The following OGG1 variants were observed in gnomAD, a reference collection of about 807,000 sequenced individuals.
The protein encoded by OGG1 is 8-oxoguanine DNA glycosylase.
OGG1 carries 35 observed loss-of-function variants against 42.3 expected under a neutral mutation model. The observed-to-expected ratio is 0.83, with a 90% CI of 0.63 to 1.10. The LOEUF is 1.10. OGG1 is among the 50% of genes least tolerant of loss of function. The pLI, the probability that OGG1 is intolerant of heterozygous loss-of-function variation, is 0.00. For synonymous variants in OGG1, 189 were observed against 179.0 expected (o/e 1.06, Z -0.44); for missense variants, 484 against 446.7 (o/e 1.08, Z -0.75).
exon 4 of OGG1, chr3:9,788,010 A>G: frequency 3.3e-6 from 1 of 302,020 alleles, no homozygotes; most frequent in Non-Finnish European, 6.5e-6. Context: ...GAAGAGGGAT[A>G]TGGCCGAGGA....
At chr3:9,759,826 C>T (rs756468973), downstream of OGG1, 5 of 1,612,310 alleles carry the variant, frequency 3.1e-6, no homozygotes, top group South Asian at 5.5e-5. Flanking sequence ...ATACCCACTC[C>T]CTCAGGTCTG....
In OGG1 at chr3:9,751,843, C is replaced by G; in HGVS notation, c.459C>G (p.Ala153=). The stretch of plus-strand genomic sequence containing the variant: ...TCTGTTCCTCCAACAACAACATCGC[C>G]CGCATCACTGGCATGGTGGAGCGGC... The part of the protein sequence containing the change: ...SFICSSNNNI[A]RITGMVERLC... Residue 153 remains alanine (A), a synonymous_variant, in exon 3 of 7, where the codon GCC becomes GCG. Transcript: ENST00000344629. 2 of 1,614,202 alleles carry G rather than the reference C, an allele frequency of 1.2e-6. No individual in the cohort carries two copies. The highest frequency in any genetic ancestry group is 1.7e-6 in the Non-Finnish European group (2 of 1,180,040).
At chr3:9,759,465 C>G (rs767095223), downstream of OGG1, 6 of 1,614,090 alleles carry the variant, frequency 3.7e-6, no homozygotes, top group Middle Eastern at 1.6e-4. Flanking sequence ...AGGCTGGGAC[C>G]AGAACTAGGG....
At chr3:9,765,209 A>G (rs2078096891) in intron 7 of OGG1, among the ~76,000 whole-genome samples, 1 of 151,424 alleles carries the variant, frequency 6.6e-6, no homozygotes, top group Admixed American at 6.6e-5. Context: ...CCGGGGCAAC[A>G]GAGTGAGACT....
downstream of OGG1, chr3:9,767,832 G>A (rs1169857913): frequency 1.9e-6 from 3 of 1,572,172 alleles, no homozygotes; most frequent in East Asian, 4.5e-5. Context: ...CCCTCTGTCT[G>A]GGAATTTACT....
chr3:9,785,943 T>G (rs1359914158), intron 3 of OGG1, among the ~76,000 whole-genome samples: 1 of 97,732 alleles, frequency 1.0e-5, no homozygotes, highest in Non-Finnish European at 2.2e-5. Context: ...TTTTGTTTTG[T>G]TTTTTTTTTT....
chr3:9,760,474 GCCAAGCAGAAGGAAGTAC>G (rs539803882), downstream of OGG1: 82 of 578,486 alleles, frequency 1.4e-4, 1 homozygote, highest in South Asian at 4.0e-4. Context: ...CACTCTGGGA[GCCAAGCAGAAGGAAGTAC>G]CCAAGCAGAA....
At chr3:9,752,279 A>G (rs879314896) in intron 3 of OGG1, among the ~76,000 whole-genome samples, 8 of 152,308 alleles carry the variant, frequency 5.3e-5, no homozygotes, top group Admixed American at 4.6e-4. Context: ...ACTTGGGCAC[A>G]TTATTTAGCA....
exon 8 of OGG1, chr3:9,766,376 C>G: frequency 1.6e-6 from 1 of 613,022 alleles, no homozygotes; most frequent in Non-Finnish European, 3.0e-6. Context: ...TCTGCTAATT[C>G]GAGTCATGGC....
intron 2 of OGG1, chr3:9,780,628 CCCA>C: frequency 7.0e-7 from 1 of 1,432,538 alleles, no homozygotes; most frequent in African/African-American, 1.4e-5. Context: ...ACCGAGCCTA[CCCA>C]CCAGCCCAGG....
intron 7 of OGG1, chr3:9,763,078 G>T: frequency 1.2e-6 from 2 of 1,614,122 alleles, no homozygotes; most frequent in African/African-American, 2.7e-5. Context: ...GGGCAGTCTG[G>T]CAAAGAGGGT....
chr3:9,787,754 GAAGTGA>G, exon 4 of OGG1: 1 of 1,258,988 alleles, frequency 7.9e-7, no homozygotes, highest in Non-Finnish European at 1.0e-6. Flanking sequence ...TCAGATAAGT[GAAGTGA>G]AAGAGAGAGA....
downstream of OGG1, chr3:9,767,851 C>A: frequency 6.6e-7 from 1 of 1,518,312 alleles, no homozygotes; most frequent in South Asian, 1.2e-5. Context: ...CTGCAGGCCC[C>A]ATTCAGTCAT....
intron 3 of OGG1, chr3:9,781,656 C>A (rs1390417603): frequency 6.9e-6 from 3 of 435,918 alleles, no homozygotes; most frequent in Non-Finnish European, 1.4e-5. Flanking sequence ...TACATTTCAT[C>A]GATGGTGGAG....
At chr3:9,786,892 C>G in intron 3 of OGG1, 2 of 966,882 alleles carry the variant, frequency 2.1e-6, no homozygotes, top group Non-Finnish European at 3.2e-6. Flanking sequence ...TACTTTTGCA[C>G]CAACCTATTT....
At chr3:9,761,692 G>A, downstream of OGG1, 1 of 1,614,204 alleles carries the variant, frequency 6.2e-7, no homozygotes, top group Non-Finnish European at 8.5e-7. Flanking sequence ...CCATCTTGGA[G>A]AGGCCAAAGT....
chr3:9,767,369 C>G (rs2078183144), downstream of OGG1, among the ~76,000 whole-genome samples: 1 of 152,222 alleles, frequency 6.6e-6, no homozygotes, highest in South Asian at 2.1e-4. Flanking sequence ...CCATCTCCAG[C>G]CTCAGTTCCC....
At chr3:9,785,208 C>G (rs575339304) in intron 3 of OGG1, 1 of 792,024 alleles carries the variant, frequency 1.3e-6, no homozygotes, top group South Asian at 1.8e-5. Context: ...TTAGGCTTCA[C>G]CTAACTGCCC....
exon 8 of OGG1, chr3:9,765,930 C>T (rs896950823): frequency 1.9e-6 from 3 of 1,614,038 alleles, no homozygotes; most frequent in South Asian, 1.1e-5. Context: ...GAACTGGAAC[C>T]CCAGCTTCCC....
Sources: allele counts gnomAD v4.1 joint callset (sites outside exome capture counted in the v4.1 genomes callset), GRCh38; gene constraint gnomAD v4.1.1; transcripts MANE v1.5; gene names NCBI Gene and HGNC (gene_info 2026-07-23, HGNC 2026-07-21).